The following SDHA variants were observed in gnomAD, a reference collection of about 807,000 sequenced individuals.
SDHA encodes succinate dehydrogenase [ubiquinone] flavoprotein subunit, mitochondrial.
Under a neutral mutation model 78.4 loss-of-function variants are expected in SDHA, and 48 were observed. The observed-to-expected ratio is 0.61, with a 90% CI of 0.49 to 0.78. The LOEUF (loss-of-function observed/expected upper bound fraction) is 0.78, where lower values mean the gene tolerates loss of function less well. Ranked by LOEUF, SDHA falls within the 30% of genes least tolerant of loss-of-function variation. The pLI, the probability that SDHA is intolerant of heterozygous loss-of-function variation, is 0.00. For synonymous variants in SDHA, 326 were observed against 353.9 expected, an observed-to-expected ratio of 0.92 and a Z score of 0.88; for missense variants, 680 against 892.7, an observed-to-expected ratio of 0.76 and a Z score of 3.04.
At chr5:225,250 A>T (rs1339471232) in intron 3 of SDHA, among the ~76,000 whole-genome samples, 169 bp from the exon 4 acceptor site, 1 of 152,008 alleles carries the variant, frequency 6.6e-6, no homozygotes, top group Non-Finnish European at 1.5e-5. Flanking sequence ...AGGGGTTGTG[A>T]TCTGGAATCT....
At chr5:247,064 G>A (rs926243581) in intron 11 of SDHA, among the ~76,000 whole-genome samples, 1 of 152,234 alleles carries the variant, frequency 6.6e-6, no homozygotes, top group African/African-American at 2.4e-5. Context: ...AAGATGCAGA[G>A]AATGTTTTTA....
At chr5:255,457 T>G (rs550599460) in intron 14 of SDHA, among the ~76,000 whole-genome samples, 156 of 122,866 alleles carry the variant, frequency 1.3e-3, no homozygotes, top group East Asian at 2.4e-3. Context: ...GGTTTTTTGG[T>G]TTTTTTTTGT....
chr5:249,567 A>G (rs562776194), intron 11 of SDHA: 5 of 152,830 alleles, frequency 3.3e-5, no homozygotes, highest in African/African-American at 1.2e-4. Flanking sequence ...CCTGCTGCAG[A>G]TAACTAGCCA....
At chr5:263,278 AT>A in the SDHA span, among the ~76,000 whole-genome samples, 9 of 150,134 alleles carry the variant, frequency 6.0e-5, no homozygotes, top group South Asian at 2.1e-4. Flanking sequence ...TTATATTTAG[AT>A]TTTTTTTTTA....
chr5:236,841 A>G (rs889404866), intron 10 of SDHA, among the ~76,000 whole-genome samples: 2 of 151,664 alleles, frequency 1.3e-5, no homozygotes, highest in Non-Finnish European at 2.9e-5. Context: ...TTGTAGAGAC[A>G]GGGTCTCACA....
chr5:225,924 G>A lies in SDHA; in HGVS notation c.498G>A (p.Gly166=). ...TGCCGTTTAGCAGAACTGAAGATGG[G>A]AAGATTTATCAGCGTGCATTTGGTG... is the stretch of plus-strand genomic sequence containing the variant. ...YGMPFSRTED[G]KIYQRAFGGQ... is the part of the protein sequence containing the mutation. The change falls in exon 5 of 15, where the codon GGG becomes GGA. Residue 166 remains glycine, a synonymous_variant. Coordinates refer to ENST00000264932, the MANE Select transcript of SDHA (RefSeq NM_004168.4). The A allele has an allele frequency of 6.2e-7, 1 of 1,613,608 alleles. No homozygotes were observed. Among genetic ancestry groups the A allele is most frequent in the Non-Finnish European group, 8.5e-7 (1 of 1,180,000 alleles).
chr5:264,445 C>T, the SDHA span, among the ~76,000 whole-genome samples: 1 of 152,216 alleles, frequency 6.6e-6, no homozygotes, highest in East Asian at 1.9e-4. Flanking sequence ...ACGTGGGCAG[C>T]TGGGCCCGTG....
At chr5:247,949 G>A (rs1320130640) in intron 11 of SDHA, among the ~76,000 whole-genome samples, 1 of 152,128 alleles carries the variant, frequency 6.6e-6, no homozygotes, top group South Asian at 2.1e-4. Context: ...AGTAAAAGGG[G>A]GAAAACAGGG....
chr5:234,901 G>C lies in SDHA; in HGVS notation c.1065-243G>C, dbSNP rs186477430. 1.1e-4 allele frequency: 64 copies of C among 561,646 alleles called. 1 individual carries two copies. Among genetic ancestry groups the C allele is most frequent in the African/African-American group, 1.0e-3 (54 of 53,162 alleles). 34.8% of individuals were successfully genotyped at this position (561,646 alleles called of 1,614,324 possible). A position where few individuals can be genotyped will look rare whatever the true frequency, so the allele number is the denominator to read the frequency against. On this transcript the variant is annotated intron_variant, in intron 8 of 14. Coordinates refer to ENST00000264932, the MANE Select transcript of SDHA (RefSeq NM_004168.4). ...TGCAGCAGGCTGTGATCCCTGAGAC[G>C]AGCGTGAGTTTAGTGAGGGCAGAGT...
chr5:259,343 C>A (rs1261619475), downstream of SDHA, among the ~76,000 whole-genome samples: 1 of 41,540 alleles, frequency 2.4e-5, no homozygotes, highest in Admixed American at 2.4e-4. Context: ...CCGCCCCCCG[C>A]CAGAGCATTA....
At chr5:258,582 G>C (rs1561019228), downstream of SDHA, among the ~76,000 whole-genome samples, 6 of 116,560 alleles carry the variant, frequency 5.1e-5, no homozygotes, top group South Asian at 2.7e-4. Context: ...CCCCCCGCCA[G>C]AGCATTACCG....
At chr5:263,132 G>T in the SDHA span, among the ~76,000 whole-genome samples, 1 of 152,108 alleles carries the variant, frequency 6.6e-6, no homozygotes, top group African/African-American at 2.4e-5. Context: ...CAGAGACAGG[G>T]TTTCACCATC....
intron 10 of SDHA, 32 bp downstream of exon 10, chr5:236,631 G>C: frequency 6.2e-7 from 1 of 1,604,440 alleles, no homozygotes; most frequent in South Asian, 1.1e-5. Flanking sequence ...CAGACTATTT[G>C]AGAAGGCGCA....
At chr5:250,796 A>G (rs548083551) in intron 11 of SDHA, 196 bp from the exon 12 acceptor site, 4 of 604,896 alleles carry the variant, frequency 6.6e-6, no homozygotes, top group African/African-American at 5.6e-5. Flanking sequence ...AGAAACATTT[A>G]TTTATTCAGA....
At chr5:223,719 A>G (rs1408211883) in intron 2 of SDHA, 151 bp downstream of exon 2, 1 of 673,390 alleles carries the variant, frequency 1.5e-6, no homozygotes, top group African/African-American at 1.8e-5. Flanking sequence ...CAGTGTAATA[A>G]TACTTAATTG....
chr5:250,066 A>C (rs1736717534), intron 11 of SDHA: 1 of 152,196 alleles, frequency 6.6e-6, no homozygotes, highest in Admixed American at 6.5e-5. Context: ...GGATATGAAA[A>C]CATGTGGCTG....
intron 1 of SDHA, among the ~76,000 whole-genome samples, chr5:219,382 A>C (rs1357996394): frequency 6.6e-6 from 1 of 152,220 alleles, no homozygotes; most frequent in East Asian, 1.9e-4. Flanking sequence ...GGTTCTTTTA[A>C]ATGAACTTAC....
In SDHA at chr5:223,475, T is replaced by C. The variant is rs1579379588; in HGVS notation, c.64-7T>C. 1 of 1,603,006 alleles carries C rather than the reference T, an allele frequency of 6.2e-7. No homozygotes were observed. Among genetic ancestry groups the C allele is most frequent in the African/African-American group, 1.3e-5 (1 of 74,836 alleles). ...ACCCTCTGGATCTGTGTCTTCTGTG[T>C]CTCCAGTGGCCAACAGTGTTGCAAA... On this transcript the variant is annotated splice_region_variant and splice_polypyrimidine_tract_variant and intron_variant, in intron 1 of 14. Transcript: ENST00000264932.
chr5:262,351 G>A, the SDHA span, among the ~76,000 whole-genome samples: 4,324 of 30,400 alleles, frequency 0.14, 182 homozygotes, highest in Non-Finnish European at 0.17. Flanking sequence ...CCGCCTCCCG[G>A]CAGAGCATTA....
Sources: allele counts gnomAD v4.1 joint callset (sites outside exome capture counted in the v4.1 genomes callset), GRCh38; gene constraint gnomAD v4.1.1; transcripts MANE v1.5; gene names NCBI Gene and HGNC (gene_info 2026-07-23, HGNC 2026-07-21).